The following PIK3CD variants were observed in gnomAD, a reference collection of about 807,000 sequenced individuals.
The protein encoded by PIK3CD is phosphatidylinositol 4,5-bisphosphate 3-kinase catalytic subunit delta isoform.
Under a neutral mutation model 122.9 loss-of-function variants are expected in PIK3CD, and 20 were observed. That is an observed-to-expected ratio of 0.16 (90% CI 0.11 to 0.24). The LOEUF (loss-of-function observed/expected upper bound fraction) is 0.24, where lower values mean the gene tolerates loss of function less well. PIK3CD is among the 10% of genes least tolerant of loss of function. The pLI is 1.00. For synonymous variants in PIK3CD, 596 were observed against 593.4 expected (o/e 1.00, Z -0.06); for missense variants, 787 against 1,406.3 (o/e 0.56, Z 7.04).
chr1:9,677,643 TAAAAAA>T (rs769155771), intron 1 of PIK3CD, among the ~76,000 whole-genome samples: 6 of 90,440 alleles, frequency 6.6e-5, no homozygotes, highest in African/African-American at 2.5e-4. Flanking sequence ...AGACCCTGTC[TAAAAAA>T]AAAAAAAAAA....
At chr1:9,632,963 G>T in the PIK3CD span, among the ~76,000 whole-genome samples, 25 of 151,288 alleles carry the variant, frequency 1.7e-4, no homozygotes, top group African/African-American at 6.1e-4. Context: ...CAGGGTTCAG[G>T]CCATTCTCCT....
intron 1 of PIK3CD, among the ~76,000 whole-genome samples, chr1:9,668,358 T>G (rs1179411067): frequency 6.6e-6 from 1 of 152,152 alleles, no homozygotes; most frequent in Non-Finnish European, 1.5e-5. Context: ...CCTAGGTTTG[T>G]CTGAAGGATT....
intron 2 of PIK3CD, among the ~76,000 whole-genome samples, chr1:9,697,094 G>A (rs1451560097): frequency 1.3e-5 from 2 of 150,452 alleles, no homozygotes; most frequent in African/African-American, 4.9e-5. Flanking sequence ...ATTGTAGGCT[G>A]AGCACAGTGG....
At position 9,676,761 on chromosome 1, in the gene PIK3CD, G is replaced by T. The variant is rs368090627; in HGVS notation, c.-137-14706G>T. Among the ~76,000 whole-genome samples the T allele has an allele frequency of 9.2e-5, 14 of 152,302 alleles. No individual in the cohort carries two copies. The East Asian group carries it at 1.7e-3, about 19-fold the overall frequency. ...CATAAAACTGAATGGCTGCCTTCGG[G>T]GCTTGTCACAATGTTTAATGAGAAA... On this transcript the variant is annotated intron_variant, in intron 1 of 23. Coordinates refer to ENST00000377346, the MANE Select transcript of PIK3CD (RefSeq NM_005026.5).
At chr1:9,674,165 A>G (rs1015804869) in intron 1 of PIK3CD, among the ~76,000 whole-genome samples, 25 of 152,216 alleles carry the variant, frequency 1.6e-4, no homozygotes, top group Non-Finnish European at 5.9e-5. Flanking sequence ...GACTAGGGGA[A>G]GCCCTCACTC....
rs1010139852 is a variant in PIK3CD, at chr1:9,676,449, C to T, written c.-137-15018C>T. On this transcript the variant is annotated intron_variant, in intron 1 of 23. Transcript: ENST00000377346. ...TACAGCAAGAGTGGGCAGAAGGACG[C>T]AGCTCTGGTGCCTGGCCCTTCCCCA... Among the ~76,000 whole-genome samples the T allele has an allele frequency of 3.3e-5, 5 of 152,374 alleles. No individual in the cohort carries two copies. In the South Asian group the frequency reaches 1.0e-3, roughly 32 times the overall value.
the PIK3CD span, among the ~76,000 whole-genome samples, chr1:9,641,868 C>G: frequency 6.6e-6 from 1 of 152,288 alleles, no homozygotes; most frequent in Non-Finnish European, 1.5e-5. Flanking sequence ...GGAATCTGAC[C>G]TTGGCCTTGT....
At chr1:9,635,257 A>T in the PIK3CD span, among the ~76,000 whole-genome samples, 3 of 148,162 alleles carry the variant, frequency 2.0e-5, no homozygotes, top group Non-Finnish European at 4.4e-5. Flanking sequence ...CCTGGGCAAC[A>T]TAGCAAGACT....
intron 2 of PIK3CD, among the ~76,000 whole-genome samples, chr1:9,706,752 T>C (rs1646847313): frequency 6.6e-6 from 1 of 152,122 alleles, no homozygotes; most frequent in African/African-American, 2.4e-5. Context: ...AAATACATAA[T>C]GAAACTTCAT....
chr1:9,645,069 A>G, the PIK3CD span, among the ~76,000 whole-genome samples: 1 of 133,532 alleles, frequency 7.5e-6, no homozygotes, highest in African/African-American at 2.9e-5. Flanking sequence ...TCTGTCACCC[A>G]GGCTGGAGTG....
intron 2 of PIK3CD, among the ~76,000 whole-genome samples, chr1:9,702,500 CTTTTTTTT>C (rs60167511): frequency 9.3e-4 from 24 of 25,818 alleles, no homozygotes; most frequent in Non-Finnish European, 1.6e-3. Flanking sequence ...AAGAACTTTC[CTTTTTTTT>C]TTTTTTTTTT....
At chr1:9,630,739 T>TGTGC in the PIK3CD span, among the ~76,000 whole-genome samples, 1,615 of 150,948 alleles carry the variant, frequency 0.011, 58 homozygotes, top group East Asian at 0.12. Flanking sequence ...TGTGTGTGTG[T>TGTGC]GCAGAAGAGG....
intron 2 of PIK3CD, among the ~76,000 whole-genome samples, chr1:9,701,517 C>CA (rs1646629144): frequency 6.6e-6 from 1 of 152,038 alleles, no homozygotes; most frequent in South Asian, 2.1e-4. Context: ...ACTAAAAATA[C>CA]AAAAAATCAG....
intron 2 of PIK3CD, among the ~76,000 whole-genome samples, chr1:9,708,839 T>C (rs957371139): frequency 6.6e-6 from 1 of 151,364 alleles, no homozygotes; most frequent in African/African-American, 2.4e-5. Flanking sequence ...TTCAAAAAAA[T>C]AAAACAAAAC....
At position 9,717,698 on chromosome 1, in the gene PIK3CD, T is replaced by A; in HGVS notation, c.1020+72T>A. ...ACAAGGTGGCTGTATCCTGGAGGGG[T>A]AGCAGAGGAAGGAGGGGGATCACAT... On this transcript the variant is annotated intron_variant, in intron 8 of 23. Transcript: ENST00000377346. The surrounding 1 kb of genome is among the most constrained non-coding windows in gnomAD (Gnocchi z 5.4). The A allele has an allele frequency of 7.3e-7, 1 of 1,363,932 alleles. No individual in the cohort carries two copies. Among genetic ancestry groups the A allele is most frequent in the Non-Finnish European group, 1.0e-6 (1 of 963,288 alleles). The allele number at this position is 1,363,932 out of a possible 1,614,324, so 84.5% of individuals were successfully genotyped here. A position where few individuals can be genotyped will look rare whatever the true frequency, so the allele number is the denominator to read the frequency against.
intron 1 of PIK3CD, among the ~76,000 whole-genome samples, chr1:9,662,136 A>G (rs958314646): frequency 1.3e-5 from 2 of 151,694 alleles, no homozygotes; most frequent in Non-Finnish European, 2.9e-5. Flanking sequence ...CTGCACTCCA[A>G]CCTGGGCGAC....
At chr1:9,661,564 A>G (rs1309674103) in intron 1 of PIK3CD, among the ~76,000 whole-genome samples, 1 of 151,226 alleles carries the variant, frequency 6.6e-6, no homozygotes. Context: ...CATTTAAAAC[A>G]TTTTTTTTAG....
intron 1 of PIK3CD, among the ~76,000 whole-genome samples, chr1:9,659,467 G>A (rs977042866): frequency 2.0e-5 from 3 of 152,014 alleles, no homozygotes; most frequent in Non-Finnish European, 2.9e-5. Context: ...TTGTGCAACC[G>A]TCACCACCGC....
intron 1 of PIK3CD, chr1:9,654,007 G>C: frequency 7.6e-7 from 1 of 1,309,938 alleles, no homozygotes; most frequent in Middle Eastern, 3.1e-4. Context: ...GGAGTTCAAG[G>C]TTGCAGTAAG....
Sources: allele counts gnomAD v4.1 joint callset (sites outside exome capture counted in the v4.1 genomes callset), GRCh38; gene constraint gnomAD v4.1.1; non-coding constraint Gnocchi (gnomAD v3.1); transcripts MANE v1.5; gene names NCBI Gene and HGNC (gene_info 2026-07-23, HGNC 2026-07-21).